The following PADI6 variants were observed in gnomAD, a reference collection of about 807,000 sequenced individuals.
The protein encoded by PADI6 is peptidyl arginine deiminase 6.
Under a neutral mutation model 78.2 loss-of-function variants are expected in PADI6, and 66 were observed. The observed-to-expected ratio is 0.84, with a 90% CI of 0.69 to 1.04. The LOEUF (loss-of-function observed/expected upper bound fraction) is 1.04, where lower values mean the gene tolerates loss of function less well. Ranked by LOEUF, PADI6 falls within the 50% of genes least tolerant of loss-of-function variation. The pLI is 0.00. For synonymous variants in PADI6, 397 were observed against 346.9 expected (o/e 1.14, Z -1.60); for missense variants, 854 against 866.1 (o/e 0.99, Z 0.18).
At chr1:17,376,958 C>A (rs1428961303) in intron 3 of PADI6, among the ~76,000 whole-genome samples, 2 of 152,062 alleles carry the variant, frequency 1.3e-5, no homozygotes, top group Non-Finnish European at 2.9e-5. Context: ...ACGATCATGG[C>A]TCATTGCAGC....
At chr1:17,396,999 C>G in intron 13 of PADI6, 72 bp from the exon 14 acceptor site, 2 of 1,498,280 alleles carry the variant, frequency 1.3e-6, no homozygotes, top group Non-Finnish European at 1.8e-6. Context: ...TGGGCCTGGC[C>G]CGAGTGTGCC....
intron 15 of PADI6, among the ~76,000 whole-genome samples, chr1:17,400,442 G>A (rs577888040): frequency 6.6e-6 from 1 of 152,328 alleles, no homozygotes; most frequent in Non-Finnish European, 1.5e-5. Flanking sequence ...GGGAGGTGGA[G>A]GTTGCAGTGA....
chr1:17,373,497 A>G (rs1408128469), intron 2 of PADI6, among the ~76,000 whole-genome samples: 1 of 112,468 alleles, frequency 8.9e-6, no homozygotes, highest in Non-Finnish European at 1.9e-5. Context: ...TCATTTATTT[A>G]TTATTATTTT....
At position 17,390,964 on chromosome 1, in the gene PADI6, T is replaced by A. The variant is rs528658348; in HGVS notation, c.963-1150T>A. 3.9e-5 allele frequency among the ~76,000 whole-genome samples: 6 copies of A among 152,280 alleles called. No individual in the cohort carries two copies. The East Asian group carries it at 9.7e-4, about 25-fold the overall frequency. Reference sequence around the variant, plus strand: ...CGACACACCCTTCCCCCAGTAAGCGTCAGACTGTTCTAGACCTTGTCAGGC... The same window carrying A: ...CGACACACCCTTCCCCCAGTAAGCGACAGACTGTTCTAGACCTTGTCAGGC... On this transcript the variant is annotated intron_variant, in intron 8 of 15. Transcript: ENST00000619609.
In PADI6 at chr1:17,378,868, G is replaced by A. The variant is rs143056209; in HGVS notation, c.368-1052G>A. ...GATCTGCCTGCCTCAGCCTCCCAAAGTGCTGGGGTTACAGGCATGAGCCAC... is the reference window on the plus strand; with the variant it reads ...GATCTGCCTGCCTCAGCCTCCCAAAATGCTGGGGTTACAGGCATGAGCCAC... On this transcript the variant is annotated intron_variant, in intron 3 of 15. Coordinates refer to ENST00000619609, the MANE Select transcript of PADI6 (RefSeq NM_207421.4). Among the ~76,000 whole-genome samples the A allele has an allele frequency of 8.1e-3, 1,233 of 151,710 alleles. 23 individuals carry two copies. The highest frequency in any genetic ancestry group is 0.027 in the African/African-American group (1,133 of 41,326).
chr1:17,379,885 C>A, intron 3 of PADI6, 35 bp from the exon 4 acceptor site: 3 of 1,600,752 alleles, frequency 1.9e-6, no homozygotes, highest in South Asian at 1.1e-5. Context: ...TCTGGCAGGT[C>A]AAGGTGGCTG....
intron 4 of PADI6, 104 bp downstream of exon 4, chr1:17,380,091 A>G (rs1557598218): frequency 1.2e-5 from 14 of 1,145,600 alleles, no homozygotes; most frequent in Non-Finnish European, 1.3e-5. Flanking sequence ...AATTGCTGTG[A>G]CATTGCTGAA....
intron 14 of PADI6, 24 bp from the exon 15 acceptor site, chr1:17,398,662 C>CCCACTCA (rs1553154476): frequency 9.1e-6 from 1 of 110,468 alleles, no homozygotes; most frequent in Non-Finnish European, 1.8e-5. Context: ...CCGCCCCCCC[C>CCCACTCA]CCCACCCACC....
intron 6 of PADI6, among the ~76,000 whole-genome samples, chr1:17,382,329 G>A (rs937832789): frequency 1.3e-5 from 2 of 152,198 alleles, no homozygotes; most frequent in African/African-American, 4.8e-5. Flanking sequence ...TTCTCCACTT[G>A]TAAAATGGGG....
Position 17,400,372 on chromosome 1 carries a change from T to C in PADI6, c.1852-833T>C, listed in dbSNP as rs1570156248. ...AAAATACAAAATTAGCCAGGTGTAG[T>C]GGTGCATGCCTGTCATCCCAGCTAC... On this transcript the variant is annotated intron_variant, in intron 15 of 15. Transcript: ENST00000619609. Among the ~76,000 whole-genome samples the C allele has an allele frequency of 2.0e-5, 3 of 152,076 alleles. No homozygotes were observed. In the East Asian group the frequency reaches 5.9e-4, roughly 30 times the overall value.
intron 13 of PADI6, among the ~76,000 whole-genome samples, chr1:17,396,165 C>G (rs1478681343): frequency 2.0e-5 from 3 of 152,134 alleles, no homozygotes; most frequent in African/African-American, 7.2e-5. Context: ...GCGGGCAGAT[C>G]ACCTGAGGCC....
intron 4 of PADI6, among the ~76,000 whole-genome samples, chr1:17,380,732 C>G (rs955282542): frequency 6.6e-6 from 1 of 152,150 alleles, no homozygotes; most frequent in African/African-American, 2.4e-5. Context: ...TGTGGAGTCT[C>G]CTAGATGAGA....
chr1:17,384,152 A>C (rs977704682), intron 6 of PADI6, among the ~76,000 whole-genome samples: 4 of 152,048 alleles, frequency 2.6e-5, no homozygotes, highest in Non-Finnish European at 5.9e-5. Flanking sequence ...CAAAAAAAAA[A>C]ACTTAAAAAT....
In PADI6 at chr1:17,379,973, G is replaced by A. The variant is rs1427562861; in HGVS notation, c.421G>A (p.Asp141Asn). 1.2e-6 allele frequency: 2 copies of A among 1,613,484 alleles called. No homozygotes were observed. The highest frequency in any genetic ancestry group is 1.1e-5 in the South Asian group (1 of 91,034). The part of the protein sequence containing the change: ...YRNGQVEMSS[D>N]KQAKKKWIWG... The stretch of plus-strand genomic sequence containing the variant: ...CAATGGGCAAGTTGAGATGTCAAGT[G>A]ACAAACAGGCTAAGGTGAGTCTGCC... Residue 141 changes from aspartate to asparagine, a missense_variant, in exon 4 of 16, where the codon GAC becomes AAC. By Grantham distance (23) the Asp-to-Asn change is conservative. Transcript: ENST00000619609.
intron 2 of PADI6, among the ~76,000 whole-genome samples, chr1:17,373,498 TTA>T (rs1276475307): frequency 9.2e-6 from 1 of 108,596 alleles, no homozygotes; most frequent in African/African-American, 3.5e-5. Context: ...CATTTATTTA[TTA>T]TTATTTTTTT....
At chr1:17,401,095 G>A in intron 15 of PADI6, 110 bp from the exon 16 acceptor site, 1 of 921,864 alleles carries the variant, frequency 1.1e-6, no homozygotes, top group Non-Finnish European at 1.7e-6. Flanking sequence ...ACCTGGAGGA[G>A]GCGGCTGCCT....
At chr1:17,373,327 C>A in intron 2 of PADI6, 94 bp downstream of exon 2, 1 of 1,423,292 alleles carries the variant, frequency 7.0e-7, no homozygotes, top group Non-Finnish European at 9.6e-7. Flanking sequence ...TGACTCGAGC[C>A]TGGGAAACAC....
intron 11 of PADI6, 41 bp downstream of exon 11, chr1:17,394,495 A>AC: frequency 6.3e-7 from 1 of 1,591,742 alleles, no homozygotes; most frequent in Non-Finnish European, 8.6e-7. Flanking sequence ...AAAGGAAGGG[A>AC]CCATGGTCGT....
At chr1:17,380,141 A>T (rs897909174) in intron 4 of PADI6, among the ~76,000 whole-genome samples, 154 bp downstream of exon 4, 1 of 152,150 alleles carries the variant, frequency 6.6e-6, no homozygotes, top group African/African-American at 2.4e-5. Flanking sequence ...CCAAACTGTC[A>T]CGGTACAAGT....
Sources: allele counts gnomAD v4.1 joint callset (sites outside exome capture counted in the v4.1 genomes callset), GRCh38; gene constraint gnomAD v4.1.1; transcripts MANE v1.5; gene names NCBI Gene and HGNC (gene_info 2026-07-23, HGNC 2026-07-21).